MFSD8: variants seen among roughly 807,000 people sequenced by gnomAD.
The protein encoded by MFSD8 is major facilitator superfamily domain containing 8, also known as major facilitator superfamily domain-containing protein 8.
Under a neutral mutation model 66.4 loss-of-function variants are expected in MFSD8, and 55 were observed. The observed-to-expected ratio is 0.83, with a 90% CI of 0.67 to 1.04. The LOEUF is 1.04. MFSD8 is among the 50% of genes least tolerant of loss of function. MFSD8 has a pLI of 0.00. For missense variants in MFSD8, 550 were observed against 627.6 expected, an observed-to-expected ratio of 0.88 and a Z score of 1.32; for synonymous variants, 202 against 212.8, an observed-to-expected ratio of 0.95 and a Z score of 0.44.
Position 127,921,770 on chromosome 4 carries a change from A to C in MFSD8, c.1104T>G (p.Asp368Glu). Reference sequence around the variant, plus strand: ...TATTAGGGATTGAATTATTGTGCAAATCTGTAAAAACAAAACCATTGCAGT... The same window carrying C: ...TATTAGGGATTGAATTATTGTGCAACTCTGTAAAAACAAAACCATTGCAGT... ...GNQFPKIQWE[D>E]LHNNSIPNTT... The change falls in exon 11 of 12, where the codon GAT (aspartate) becomes GAG (glutamate). Residue 368 changes from aspartate to glutamate, a missense_variant and splice_region_variant. Coordinates refer to ENST00000641686, the MANE Select transcript of MFSD8 (RefSeq NM_001371596.2). 1 of 1,614,194 alleles carries C rather than the reference A, an allele frequency of 6.2e-7. No individual in the cohort carries two copies. The highest frequency in any genetic ancestry group is 8.5e-7 in the Non-Finnish European group (1 of 1,180,016).
At chr4:127,945,736 G>A (rs1024754724) in intron 3 of MFSD8, 19 of 151,886 alleles carry the variant, frequency 1.3e-4, no homozygotes, top group African/African-American at 3.4e-4. Flanking sequence ...AGTTCTAGCC[G>A]TTAAAATATC....
intron 5 of MFSD8, among the ~76,000 whole-genome samples, 178 bp from the exon 6 acceptor site, chr4:127,940,175 T>A (rs1432356998): frequency 1.3e-5 from 2 of 152,124 alleles, no homozygotes; most frequent in Non-Finnish European, 1.5e-5. Flanking sequence ...CCTCTTTTTA[T>A]GTATAAAGCA....
chr4:127,925,248 T>A (rs1736998238), intron 9 of MFSD8, among the ~76,000 whole-genome samples: 1 of 152,208 alleles, frequency 6.6e-6, no homozygotes. Flanking sequence ...AAATGGGATC[T>A]AATTAAACTA....
At chr4:127,943,436 C>A in intron 4 of MFSD8, 1 of 260,140 alleles carries the variant, frequency 3.8e-6, no homozygotes, top group South Asian at 4.6e-5. Context: ...CCCAGGCTGG[C>A]CTCGAACTCC....
rs936062141 is a variant in MFSD8 at position 127,919,738 on chromosome 4, T to G, written c.*892A>C. ...GCCACTACTGAGAGATGGGAAAAAT[T>G]AAAGTAAATTAATTAATGTTTTACT... On this transcript the variant is annotated 3_prime_UTR_variant, in exon 12 of 12. Coordinates refer to ENST00000641686, the MANE Select transcript of MFSD8 (RefSeq NM_001371596.2). 4.6e-5 allele frequency: 7 copies of G among 152,266 alleles called. No homozygotes were observed. Among genetic ancestry groups the G allele is most frequent in the African/African-American group, 1.7e-4 (7 of 41,556 alleles). The allele number at this position is 152,266 out of a possible 1,614,324, so 9.4% of individuals were successfully genotyped here.
At chr4:127,925,017 G>T (rs540078395) in intron 9 of MFSD8, among the ~76,000 whole-genome samples, 2 of 152,180 alleles carry the variant, frequency 1.3e-5, no homozygotes, top group Non-Finnish European at 2.9e-5. Flanking sequence ...AATAAATGGT[G>T]TTGGGAAAAC....
chr4:127,930,640 T>C (rs777738475), intron 9 of MFSD8, 43 bp downstream of exon 9: 1 of 1,608,876 alleles, frequency 6.2e-7, no homozygotes, highest in Non-Finnish European at 8.5e-7. Context: ...TTTTTTGTTT[T>C]ATTTTTTAAA....
At chr4:127,952,827 G>A (rs906437309) in intron 2 of MFSD8, among the ~76,000 whole-genome samples, 4 of 143,394 alleles carry the variant, frequency 2.8e-5, no homozygotes, top group African/African-American at 1.1e-4. Context: ...CTGAGATCGT[G>A]CTACTGCACT....
intron 1 of MFSD8, among the ~76,000 whole-genome samples, chr4:127,963,657 T>C (rs1744240944): frequency 6.6e-6 from 1 of 152,178 alleles, no homozygotes; most frequent in African/African-American, 2.4e-5. Context: ...GGAGTGAAAC[T>C]GCAGACCTTC....
Position 127,919,420 on chromosome 4 carries a change from T to G in MFSD8, c.*1210A>C, listed in dbSNP as rs1000042677. On this transcript the variant is annotated 3_prime_UTR_variant, in exon 12 of 12. Transcript: ENST00000641686. Reference sequence around the variant, plus strand: ...AAAGTAGAAAACATTTGGAAAAGTGTTTAGAAATATTTTTGCATTTTCTTA... The same window carrying G: ...AAAGTAGAAAACATTTGGAAAAGTGGTTAGAAATATTTTTGCATTTTCTTA... 6.6e-6 allele frequency: 1 copy of G among 152,228 alleles called. No individual in the cohort carries two copies. Among genetic ancestry groups the G allele is most frequent in the Non-Finnish European group, 1.5e-5 (1 of 68,034 alleles). 9.4% of individuals were successfully genotyped at this position (152,228 alleles called of 1,614,324 possible).
intron 5 of MFSD8, among the ~76,000 whole-genome samples, chr4:127,940,863 T>C (rs1740073720): frequency 6.6e-6 from 1 of 152,128 alleles, no homozygotes; most frequent in East Asian, 1.9e-4. Context: ...ATATTGCACC[T>C]ACCGTACTTA....
At chr4:127,944,668 A>AT (rs1011485724) in intron 3 of MFSD8, among the ~76,000 whole-genome samples, 18 of 149,774 alleles carry the variant, frequency 1.2e-4, no homozygotes, top group East Asian at 1.2e-3. Flanking sequence ...TTTTATTTTT[A>AT]TTTTTTTTTT....
intron 2 of MFSD8, among the ~76,000 whole-genome samples, chr4:127,956,977 T>A (rs1394304131): frequency 2.0e-5 from 3 of 152,328 alleles, no homozygotes; most frequent in South Asian, 2.1e-4. Flanking sequence ...TATACTTTTT[T>A]AACTGTTAGT....
At chr4:127,949,160 C>T (rs1560763024) in intron 3 of MFSD8, among the ~76,000 whole-genome samples, 1 of 152,172 alleles carries the variant, frequency 6.6e-6, no homozygotes, top group Non-Finnish European at 1.5e-5. Flanking sequence ...TACAGAGGAA[C>T]TCTTTAAGAA....
rs10553488 is a variant in MFSD8 at position 127,939,604 on chromosome 4, CAAAAAAAAAAA to C, written c.698+238_698+248del. 7 of 81,114 alleles carry C rather than the reference CAAAAAAAAAAA, an allele frequency of 8.6e-5. No homozygotes were observed. In the South Asian group the frequency reaches 1.2e-3, roughly 14 times the overall value. The allele number at this position is 81,114 out of a possible 1,614,324, so 5.0% of individuals were successfully genotyped here. On this transcript the variant is annotated intron_variant, in intron 6 of 11. Transcript: ENST00000641686. ...TGAGCAACAGAGTAAGATCTTGTCTCAAAAAAAAAAAAAAAAAAAAAAAAAAAACTTTGAAT... is the reference window on the plus strand; with the variant it reads ...TGAGCAACAGAGTAAGATCTTGTCTCAAAAAAAAAAAAAAAAACTTTGAAT...
rs149635901 is a variant in MFSD8, at chr4:127,965,033, G to T, written c.62+39C>A. On this transcript the variant is annotated intron_variant, in intron 1 of 11. Coordinates refer to ENST00000641686, the MANE Select transcript of MFSD8 (RefSeq NM_001371596.2). ...CCGGAAAGGAACCAGTCCCAACAGC[G>T]CAGGAGACTGAGGGGTCCCTCCACC... The T allele has an allele frequency of 7.9e-5, 127 of 1,605,888 alleles. No individual in the cohort carries two copies. In the African/African-American group the frequency reaches 1.6e-3, roughly 20 times the overall value.
Position 127,921,506 on chromosome 4 carries a change from T to TCC in MFSD8, c.1350+17_1350+18insGG. On this transcript the variant is annotated intron_variant, in intron 11 of 11. Transcript: ENST00000641686. The stretch of plus-strand genomic sequence containing the variant: ...AAGTATATTTTCTATAATTGCAATG[T>TCC]CAGGGTACCTGGCTTACCTGAGGTT... 6.2e-7 allele frequency: 1 copy of TCC among 1,614,118 alleles called. No individual in the cohort carries two copies.
chr4:127,941,283 G>T (rs1009301898), intron 5 of MFSD8, among the ~76,000 whole-genome samples: 2 of 152,160 alleles, frequency 1.3e-5, no homozygotes, highest in African/African-American at 2.4e-5. Flanking sequence ...AATGGAAACT[G>T]GGGGTGGGAG....
At chr4:127,941,223 T>A (rs1740134521) in intron 5 of MFSD8, among the ~76,000 whole-genome samples, 1 of 152,168 alleles carries the variant, frequency 6.6e-6, no homozygotes, top group Admixed American at 6.5e-5. Flanking sequence ...GAACAGTGAA[T>A]TAGATTCCCT....
Sources: allele counts gnomAD v4.1 joint callset (sites outside exome capture counted in the v4.1 genomes callset), GRCh38; gene constraint gnomAD v4.1.1; transcripts MANE v1.5; gene names NCBI Gene and HGNC (gene_info 2026-07-23, HGNC 2026-07-21).